Variants in CPXM2 observed in about 807,000 individuals in gnomAD.
The protein encoded by CPXM2 is carboxypeptidase X, M14 family member 2, also known as inactive carboxypeptidase-like protein X2.
CPXM2 carries 66 observed loss-of-function variants against 86.1 expected under a neutral mutation model. The ratio of observed to expected loss-of-function variants is 0.77; its 90% CI spans 0.63 to 0.94. The LOEUF (loss-of-function observed/expected upper bound fraction) is 0.94. CPXM2 is among the 40% of genes least tolerant of loss of function. CPXM2 has a pLI of 0.00. For missense variants in CPXM2, 948 were observed against 1,026.3 expected, an observed-to-expected ratio of 0.92 and a Z score of 1.04; for synonymous variants, 388 against 400.2, an observed-to-expected ratio of 0.97 and a Z score of 0.36.
chr10:123,798,208 C>G (rs1272177230), intron 5 of CPXM2, 82 bp from the exon 6 acceptor site: 3 of 1,023,476 alleles, frequency 2.9e-6, no homozygotes, highest in Non-Finnish European at 4.0e-6. Context: ...ACTCATTCAA[C>G]AAGACTTTAT....
At position 123,841,899 on chromosome 10, in the gene CPXM2, G is replaced by A. The variant is rs193081350; in HGVS notation, c.653+450C>T. Reference sequence around the variant, plus strand: ...ATCCTTGACTTTCACTACTTCTCTCGTGATCCTCCATTTAGGAACCTAGAT... The same window carrying A: ...ATCCTTGACTTTCACTACTTCTCTCATGATCCTCCATTTAGGAACCTAGAT... On this transcript the variant is annotated intron_variant, in intron 4 of 13. Transcript: ENST00000241305. Among the ~76,000 whole-genome samples the A allele has an allele frequency of 4.6e-5, 7 of 152,182 alleles. No individual in the cohort carries two copies. The East Asian group carries it at 5.8e-4, about 13-fold the overall frequency.
chr10:123,896,454 T>G (rs966398259), upstream of CPXM2, among the ~76,000 whole-genome samples: 2 of 152,230 alleles, frequency 1.3e-5, no homozygotes, highest in African/African-American at 4.8e-5. Context: ...TAAATGGCAG[T>G]GTCCTTTGTG....
intron 3 of CPXM2, among the ~76,000 whole-genome samples, chr10:123,859,449 C>A (rs1351099189): frequency 1.3e-5 from 2 of 152,328 alleles, no homozygotes; most frequent in East Asian, 3.9e-4. Context: ...CCTGCTGACA[C>A]CTCGATTTAG....
At position 123,761,895 on chromosome 10, in the gene CPXM2, GC is replaced by G. The variant is rs1480473796; in HGVS notation, c.1753del (p.Ala585ProfsTer10). On this transcript the variant is annotated frameshift_variant, in exon 11 of 14. Transcript: ENST00000241305. LOFTEE classifies it high-confidence loss of function. Reference protein sequence around the residue: ...FQKEEGTVNGASWHTVAGSLN... With the variant: ...FQKEEGTVNGXSWHTVAGSLN... ...ACTTCCAGCGACGGTGTGCCAGGAG[GC>G]CCCATTGACAGTGCCCTCCTCCTTC... 6.2e-7 allele frequency: 1 copy of G among 1,613,654 alleles called. No homozygotes were observed. Among genetic ancestry groups the G allele is most frequent in the South Asian group, 1.1e-5 (1 of 91,010 alleles).
intron 6 of CPXM2, among the ~76,000 whole-genome samples, chr10:123,790,338 G>A (rs1847177832): frequency 6.6e-6 from 1 of 151,082 alleles, no homozygotes; most frequent in South Asian, 2.1e-4. Flanking sequence ...TGAAGACAGA[G>A]CAGGTGACCA....
intron 6 of CPXM2, among the ~76,000 whole-genome samples, chr10:123,783,031 C>T (rs1056813641): frequency 6.6e-6 from 1 of 152,192 alleles, no homozygotes; most frequent in African/African-American, 2.4e-5. Flanking sequence ...CCACCAGCTC[C>T]AAGACAGTTT....
intron 3 of CPXM2, among the ~76,000 whole-genome samples, chr10:123,848,408 A>G (rs1848539807): frequency 6.6e-6 from 1 of 152,256 alleles, no homozygotes; most frequent in Non-Finnish European, 1.5e-5. Context: ...AGCAACTTTT[A>G]AAACCAAAAC....
Position 123,857,586 on chromosome 10 carries a change from GGCGGC to G in CPXM2, c.513+5023_513+5027del, listed in dbSNP as rs1247140829. 3.5e-5 allele frequency among the ~76,000 whole-genome samples: 5 copies of G among 142,726 alleles called. No individual in the cohort carries two copies. In the East Asian group the frequency reaches 1.1e-3, roughly 33 times the overall value. The allele number at this position is 142,726 out of a possible 152,430, so 93.6% of individuals were successfully genotyped here. A position where few individuals can be genotyped will look rare whatever the true frequency, so the allele number is the denominator to read the frequency against. ...GATGGAAGGCGGCGTGGAGATGGAA[GGCGGC>G]GTGGAGATGGAAGGCGGCGTGGAGA... On this transcript the variant is annotated intron_variant, in intron 3 of 13. Coordinates refer to ENST00000241305, the MANE Select transcript of CPXM2 (RefSeq NM_198148.3).
intron 4 of CPXM2, among the ~76,000 whole-genome samples, chr10:123,822,326 T>C (rs1847943279): frequency 6.6e-6 from 1 of 152,194 alleles, no homozygotes; most frequent in Non-Finnish European, 1.5e-5. Flanking sequence ...CTCTTCACCC[T>C]TGCACCAAAT....
intron 4 of CPXM2, among the ~76,000 whole-genome samples, chr10:123,804,729 A>G (rs2134080589): frequency 6.6e-6 from 1 of 152,332 alleles, no homozygotes; most frequent in African/African-American, 2.4e-5. Context: ...TCCAATGCTG[A>G]AAGAAGTGAA....
rs912813270 is a variant in CPXM2 at position 123,865,276 on chromosome 10, A to G, written c.404-2553T>C. Among the ~76,000 whole-genome samples the G allele has an allele frequency of 6.6e-6, 1 of 152,220 alleles. No individual in the cohort carries two copies. The highest frequency in any genetic ancestry group is 2.4e-5 in the African/African-American group (1 of 41,462). On this transcript the variant is annotated intron_variant, in intron 2 of 13. Transcript: ENST00000241305. This position sits in a 1 kb window ranked among gnomAD's most constrained non-coding sequence, Gnocchi z 4.7. ...TAATTTTGGTTTGGAAGCCTTCTCC[A>G]TTGCCCGTGCCACTTACAAAGAAGC...
At chr10:123,872,927 GA>G (rs149595235) in intron 2 of CPXM2, among the ~76,000 whole-genome samples, 3,132 of 143,742 alleles carry the variant, frequency 0.022, 41 homozygotes, top group Middle Eastern at 0.043. Flanking sequence ...CATAAAAAAA[GA>G]AAAAAAAAAC....
chr10:123,929,973 C>A (rs550046694), intron 2 of CPXM2, among the ~76,000 whole-genome samples: 1 of 152,210 alleles, frequency 6.6e-6, no homozygotes, highest in Non-Finnish European at 1.5e-5. Context: ...GAGGTTCCCA[C>A]CACCTCCCCT....
At chr10:123,817,517 G>A (rs1847837862) in intron 4 of CPXM2, among the ~76,000 whole-genome samples, 1 of 152,150 alleles carries the variant, frequency 6.6e-6, no homozygotes, top group African/African-American at 2.4e-5. Flanking sequence ...GACCTCAACT[G>A]TCTATCATGA....
chr10:123,763,402 C>T (rs1053886316), intron 10 of CPXM2, among the ~76,000 whole-genome samples: 2 of 152,168 alleles, frequency 1.3e-5, no homozygotes, highest in Non-Finnish European at 2.9e-5. Flanking sequence ...TGTGTGCCTA[C>T]ACCATCCTAC....
At chr10:123,755,365 G>C (rs1351080259) in intron 12 of CPXM2, among the ~76,000 whole-genome samples, 1 of 152,174 alleles carries the variant, frequency 6.6e-6, no homozygotes, top group East Asian at 1.9e-4. Context: ...AGAGAAAAAA[G>C]CCAGTTAAAT....
intron 2 of CPXM2, among the ~76,000 whole-genome samples, chr10:123,908,461 G>T (rs1488229627): frequency 6.6e-6 from 1 of 152,186 alleles, no homozygotes; most frequent in Non-Finnish European, 1.5e-5. Flanking sequence ...CTGAGCTCAT[G>T]CCAGAGCCAG....
intron 6 of CPXM2, among the ~76,000 whole-genome samples, chr10:123,792,198 G>A (rs1847220444): frequency 6.6e-6 from 1 of 152,192 alleles, no homozygotes; most frequent in Non-Finnish European, 1.5e-5. Flanking sequence ...CCTTAGAAAT[G>A]AGGCAGCCAC....
Position 123,842,375 on chromosome 10 carries a change from G to A in CPXM2, c.627C>T (p.Ile209=). 2 of 1,614,258 alleles carry A rather than the reference G, an allele frequency of 1.2e-6. No homozygotes were observed. Among genetic ancestry groups the A allele is most frequent in the Non-Finnish European group, 1.7e-6 (2 of 1,180,046 alleles). ...GCCAGAGGGAGTTCCTCCCTTGAGT[G>A]ATGACACCAGTGAATCTGGTCAGGC... ...ARRLTRFTGV[I]TQGRNSLWLS... Residue 209 remains isoleucine, a synonymous_variant, in exon 4 of 14, where the codon ATC becomes ATT. Transcript: ENST00000241305.
Sources: gnomAD v4.1 joint callset for allele counts (sites outside exome capture counted in the v4.1 genomes callset) on GRCh38, gnomAD v4.1.1 for gene constraint, Gnocchi (gnomAD v3.1) non-coding constraint, MANE v1.5 for transcripts, NCBI Gene and HGNC (gene_info 2026-07-23, HGNC 2026-07-21) for gene names.